The following VWC2L variants were observed in gnomAD, a reference collection of about 807,000 sequenced individuals.
The protein encoded by VWC2L is von Willebrand factor C domain containing 2 like.
In VWC2L, 10 loss-of-function variants were observed where a neutral mutation model predicts 21.6. The ratio of observed to expected loss-of-function variants is 0.46; its 90% CI spans 0.29 to 0.78. The LOEUF (loss-of-function observed/expected upper bound fraction) is 0.78, where lower values mean the gene tolerates loss of function less well. VWC2L is among the 30% of genes least tolerant of loss of function. The pLI, the probability that VWC2L is intolerant of heterozygous loss-of-function variation, is 0.10. For missense variants in VWC2L, 209 were observed against 277.1 expected (o/e 0.75, Z 1.74); for synonymous variants, 96 against 94.3 (o/e 1.02, Z -0.10).
intron 2 of VWC2L, among the ~76,000 whole-genome samples, chr2:214,427,332 A>T (rs1295598136): frequency 6.6e-6 from 1 of 152,204 alleles, no homozygotes; most frequent in Non-Finnish European, 1.5e-5. Context: ...GACAAAAAGG[A>T]GAATCAGAGA....
At chr2:214,458,512 G>A (rs1229278251) in intron 3 of VWC2L, among the ~76,000 whole-genome samples, 2 of 151,592 alleles carry the variant, frequency 1.3e-5, no homozygotes, top group South Asian at 2.1e-4. Context: ...TTCCTTAAGG[G>A]GCATCATTAG....
chr2:214,477,466 CT>C (rs57834378), intron 3 of VWC2L, among the ~76,000 whole-genome samples: 24,676 of 152,184 alleles, frequency 0.16, 2,085 homozygotes, highest in East Asian at 0.25. Flanking sequence ...ATAAGAGTGT[CT>C]TTTTTGTTCC....
At chr2:214,478,856 C>T (rs551880503) in intron 3 of VWC2L, among the ~76,000 whole-genome samples, 2 of 152,166 alleles carry the variant, frequency 1.3e-5, no homozygotes, top group East Asian at 1.9e-4. Context: ...CCCTAGGCTG[C>T]CTTACCTTTC....
chr2:214,513,632 C>G (rs1689093585), intron 3 of VWC2L, among the ~76,000 whole-genome samples: 1 of 152,024 alleles, frequency 6.6e-6, no homozygotes, highest in African/African-American at 2.4e-5. Flanking sequence ...ATTCATTCAG[C>G]TATTCAATAT....
At chr2:214,487,393 G>C (rs1207088274) in intron 3 of VWC2L, among the ~76,000 whole-genome samples, 2 of 152,120 alleles carry the variant, frequency 1.3e-5, no homozygotes, top group Non-Finnish European at 2.9e-5. Context: ...GGCTACAGTG[G>C]TGAGCAAGAC....
At chr2:214,431,826 TG>T (rs1435380549) in intron 2 of VWC2L, among the ~76,000 whole-genome samples, 3 of 152,254 alleles carry the variant, frequency 2.0e-5, no homozygotes, top group Non-Finnish European at 4.4e-5. Context: ...CATGTACTCT[TG>T]TCCAAATTTA....
intron 3 of VWC2L, among the ~76,000 whole-genome samples, chr2:214,542,766 A>G (rs1689647668): frequency 6.6e-6 from 1 of 152,142 alleles, no homozygotes; most frequent in African/African-American, 2.4e-5. Flanking sequence ...AATTTATCCC[A>G]GGGGTGGTTA....
chr2:214,544,487 G>A (rs535350756), intron 3 of VWC2L, among the ~76,000 whole-genome samples: 5 of 152,166 alleles, frequency 3.3e-5, no homozygotes, highest in East Asian at 1.9e-4. Context: ...AACATACCCC[G>A]TACTCCTGAC....
intron 3 of VWC2L, among the ~76,000 whole-genome samples, chr2:214,466,219 G>A (rs1483577534): frequency 6.6e-6 from 1 of 152,088 alleles, no homozygotes; most frequent in Non-Finnish European, 1.5e-5. Context: ...ACCTCTCTCA[G>A]TAAACCTTTA....
rs1349649053 is a variant in VWC2L, at chr2:214,576,085, G to C, written c.*265G>C. ...TGGTGACTTGACGACTGGATTGCTG[G>C]AACAAAAAGAAAGAAATAGCCTTGC... is the stretch of plus-strand genomic sequence containing the variant. On this transcript the variant is annotated 3_prime_UTR_variant, in exon 4 of 4. Coordinates refer to ENST00000312504, the MANE Select transcript of VWC2L (RefSeq NM_001080500.4). The C allele has an allele frequency of 9.0e-6, 2 of 222,898 alleles. No individual in the cohort carries two copies. The highest frequency in any genetic ancestry group is 1.7e-5 in the Non-Finnish European group (2 of 114,936). The allele number at this position is 222,898 out of a possible 1,614,324, so 13.8% of individuals were successfully genotyped here.
intron 3 of VWC2L, among the ~76,000 whole-genome samples, chr2:214,450,561 G>A (rs562959904): frequency 6.6e-6 from 1 of 152,308 alleles, no homozygotes; most frequent in South Asian, 2.1e-4. Context: ...GTGCATTCTT[G>A]TGTTAATCGT....
At chr2:214,492,381 C>T (rs901676700) in intron 3 of VWC2L, among the ~76,000 whole-genome samples, 5 of 152,138 alleles carry the variant, frequency 3.3e-5, no homozygotes, top group African/African-American at 1.2e-4. Context: ...AAGGCGGTGC[C>T]GCTGAGACAA....
chr2:214,498,741 TTTATATGTGTATATATATTA>T (rs1688847459), intron 3 of VWC2L, among the ~76,000 whole-genome samples: 2 of 148,404 alleles, frequency 1.3e-5, no homozygotes, highest in African/African-American at 2.5e-5. Flanking sequence ...TATACATATT[TTTATATGTGTATATATATTA>T]TACATACATG....
chr2:214,489,139 A>G (rs906447435), intron 3 of VWC2L, among the ~76,000 whole-genome samples: 3 of 152,144 alleles, frequency 2.0e-5, no homozygotes, highest in Admixed American at 6.5e-5. Flanking sequence ...TTAGTCCCCA[A>G]TCTCTTATCC....
intron 3 of VWC2L, among the ~76,000 whole-genome samples, chr2:214,457,315 A>G (rs1703071780): frequency 6.6e-6 from 1 of 152,024 alleles, no homozygotes; most frequent in Non-Finnish European, 1.5e-5. Context: ...TTCTTTTTCA[A>G]CTAGCTCATT....
intron 3 of VWC2L, among the ~76,000 whole-genome samples, chr2:214,514,883 T>C (rs753671793): frequency 3.3e-5 from 5 of 152,230 alleles, no homozygotes; most frequent in African/African-American, 4.8e-5. Flanking sequence ...GAAGGAAGAT[T>C]CAATTTGGGC....
intron 3 of VWC2L, among the ~76,000 whole-genome samples, chr2:214,440,934 C>A (rs979890205): frequency 1.3e-5 from 2 of 152,250 alleles, no homozygotes; most frequent in African/African-American, 4.8e-5. Context: ...CACAGTCAGT[C>A]ATTATTCAAG....
intron 3 of VWC2L, among the ~76,000 whole-genome samples, chr2:214,531,507 A>G (rs554921898): frequency 6.6e-6 from 1 of 152,230 alleles, no homozygotes; most frequent in South Asian, 2.1e-4. Context: ...AGAATATTAG[A>G]TCTATTCTAC....
intron 2 of VWC2L, chr2:214,436,295 G>C: frequency 7.2e-6 from 1 of 138,770 alleles, no homozygotes; most frequent in African/African-American, 3.2e-5. Flanking sequence ...GTTTACGAGA[G>C]GAGGTCAGAG....
Sources: allele counts gnomAD v4.1 joint callset (sites outside exome capture counted in the v4.1 genomes callset), GRCh38; gene constraint gnomAD v4.1.1; transcripts MANE v1.5; gene names NCBI Gene and HGNC (gene_info 2026-07-23, HGNC 2026-07-21).